Variants in WDR70 observed in about 807,000 individuals in gnomAD.
WDR70 encodes WD repeat-containing protein 70.
WDR70 carries 53 observed loss-of-function variants against 88.6 expected under a neutral mutation model. That is an observed-to-expected ratio of 0.60 (90% CI 0.48 to 0.75). The LOEUF is 0.75. Among genes scored for constraint, WDR70 ranks in the 30% least tolerant of loss-of-function variants. The probability of loss-of-function intolerance (pLI) is 0.00; values close to 1 mark genes in which losing one functional copy is unlikely to be tolerated. For missense variants in WDR70, 610 were observed against 823.2 expected (o/e 0.74, Z 3.17); for synonymous variants, 280 against 270.0 (o/e 1.04, Z -0.36).
intron 5 of WDR70, among the ~76,000 whole-genome samples, chr5:37,427,198 G>C (rs1750153649): frequency 6.6e-6 from 1 of 151,992 alleles, no homozygotes; most frequent in African/African-American, 2.4e-5. Flanking sequence ...GACCATCTTG[G>C]CTAACACGGT....
At chr5:37,723,349 AAGGG>A in intron 15 of WDR70, 1 of 186,276 alleles carries the variant, frequency 5.4e-6, no homozygotes, top group East Asian at 1.3e-4. Context: ...CGACCAGAGG[AAGGG>A]TCTCTTCCAG....
At chr5:37,609,533 A>G (rs1744128494) in intron 10 of WDR70, among the ~76,000 whole-genome samples, 1 of 152,154 alleles carries the variant, frequency 6.6e-6, no homozygotes, top group Non-Finnish European at 1.5e-5. Flanking sequence ...GATTCATCTT[A>G]TTCATGGAGT....
intron 10 of WDR70, among the ~76,000 whole-genome samples, chr5:37,609,437 TA>T (rs1319366277): frequency 2.0e-5 from 3 of 152,214 alleles, no homozygotes; most frequent in Admixed American, 2.0e-4. Context: ...ATCTACAATA[TA>T]CTAGACTCTT....
At chr5:37,542,071 T>G (rs1741835429) in intron 9 of WDR70, among the ~76,000 whole-genome samples, 1 of 152,062 alleles carries the variant, frequency 6.6e-6, no homozygotes, top group African/African-American at 2.4e-5. Context: ...AGAGAGGAGA[T>G]GGACTTACTG....
intron 9 of WDR70, among the ~76,000 whole-genome samples, chr5:37,538,194 A>G (rs537241992): frequency 2.0e-5 from 3 of 152,252 alleles, no homozygotes; most frequent in South Asian, 2.1e-4. Context: ...TAATGGTAGT[A>G]TCTTCTTCTT....
intron 6 of WDR70, 66 bp downstream of exon 6, chr5:37,438,047 T>A: frequency 7.2e-7 from 1 of 1,382,382 alleles, no homozygotes; most frequent in Non-Finnish European, 1.0e-6. Context: ...AGTGAACTGA[T>A]AAGATACATT....
chr5:37,578,948 G>A (rs967969000), intron 9 of WDR70, among the ~76,000 whole-genome samples: 1 of 152,120 alleles, frequency 6.6e-6, no homozygotes, highest in Non-Finnish European at 1.5e-5. Flanking sequence ...TAATTTTCCT[G>A]TGTAATTTTA....
At chr5:37,421,842 A>G (rs1749955316) in intron 5 of WDR70, among the ~76,000 whole-genome samples, 1 of 151,604 alleles carries the variant, frequency 6.6e-6, no homozygotes, top group African/African-American at 2.4e-5. Flanking sequence ...GGACTTTTTC[A>G]GAAATAGGAA....
chr5:37,415,816 T>A (rs1471833797), intron 5 of WDR70, among the ~76,000 whole-genome samples: 1 of 141,048 alleles, frequency 7.1e-6, no homozygotes, highest in Non-Finnish European at 1.5e-5. Flanking sequence ...GCAGAGACGC[T>A]CCTCACCTCC....
At chr5:37,415,588 C>T (rs1365941440) in intron 5 of WDR70, among the ~76,000 whole-genome samples, 184 of 140,120 alleles carry the variant, frequency 1.3e-3, no homozygotes, top group African/African-American at 3.9e-3. Context: ...CCCTCCCGGA[C>T]GGGGCGGCTG....
At chr5:37,500,538 C>T (rs1581341750) in intron 8 of WDR70, among the ~76,000 whole-genome samples, 1 of 152,040 alleles carries the variant, frequency 6.6e-6, no homozygotes, top group Non-Finnish European at 1.5e-5. Flanking sequence ...TACTAGTTTA[C>T]ATTTCCACTA....
intron 11 of WDR70, 116 bp downstream of exon 11, chr5:37,697,870 C>A: frequency 1.4e-6 from 1 of 706,238 alleles, no homozygotes; most frequent in Non-Finnish European, 2.2e-6. Context: ...TGTTAATGCA[C>A]CTTTGCCAGT....
chr5:37,381,063 G>GT (rs1427360619), intron 2 of WDR70, among the ~76,000 whole-genome samples: 1 of 152,216 alleles, frequency 6.6e-6, no homozygotes, highest in Non-Finnish European at 1.5e-5. Flanking sequence ...GGAGGAGAAT[G>GT]TTTCCATGCT....
At chr5:37,441,653 C>T (rs1459015894) in intron 6 of WDR70, among the ~76,000 whole-genome samples, 3 of 151,982 alleles carry the variant, frequency 2.0e-5, no homozygotes, top group East Asian at 3.9e-4. Flanking sequence ...CCCTTCTCTA[C>T]TAAAAAATAC....
In WDR70 at chr5:37,445,852, T is replaced by C. The variant is rs1208008531; in HGVS notation, c.686+2480T>C. Reference sequence around the variant, plus strand: ...AATATAATACTGAATGGGCAATAACTGGAAGCATTCCCTTTGAAAACTGGC... The same window carrying C: ...AATATAATACTGAATGGGCAATAACCGGAAGCATTCCCTTTGAAAACTGGC... On this transcript the variant is annotated intron_variant, in intron 7 of 17. Coordinates refer to ENST00000265107, the MANE Select transcript of WDR70 (RefSeq NM_018034.4). 2.0e-5 allele frequency among the ~76,000 whole-genome samples: 3 copies of C among 152,166 alleles called. No individual in the cohort carries two copies. The East Asian group carries it at 5.8e-4, about 29-fold the overall frequency.
At chr5:37,390,055 GA>G (rs1748763467) in intron 3 of WDR70, among the ~76,000 whole-genome samples, 1 of 150,072 alleles carries the variant, frequency 6.7e-6, no homozygotes, top group Non-Finnish European at 1.5e-5. Context: ...TTAAGTGAAG[GA>G]AAAAAATGTT....
intron 17 of WDR70, among the ~76,000 whole-genome samples, chr5:37,751,176 CAGA>C (rs1319674020): frequency 6.6e-6 from 1 of 152,134 alleles, no homozygotes; most frequent in African/African-American, 2.4e-5. Flanking sequence ...GCATCTTTGC[CAGA>C]AGATGAAATA....
chr5:37,389,055 A>T (rs1748722313), intron 3 of WDR70, among the ~76,000 whole-genome samples: 1 of 151,762 alleles, frequency 6.6e-6, no homozygotes, highest in Non-Finnish European at 1.5e-5. Context: ...TTGGCTGAAA[A>T]AACAGGGTGA....
Position 37,478,876 on chromosome 5 carries a change from C to T in WDR70, c.687-958C>T, listed in dbSNP as rs113291614. 8.6e-3 allele frequency among the ~76,000 whole-genome samples: 1,311 copies of T among 152,242 alleles called. 21 individuals are homozygous for T. The highest frequency in any genetic ancestry group is 0.03 in the African/African-American group (1,237 of 41,530). The stretch of plus-strand genomic sequence containing the variant: ...TTTGAAGGGGGAGTTCTGGGTAGCA[C>T]ACCACTGTATTCACTACAGCCACAA... On this transcript the variant is annotated intron_variant, in intron 7 of 17. Transcript: ENST00000265107.
Sources: allele counts gnomAD v4.1 joint callset (sites outside exome capture counted in the v4.1 genomes callset), GRCh38; gene constraint gnomAD v4.1.1; transcripts MANE v1.5; gene names NCBI Gene and HGNC (gene_info 2026-07-23, HGNC 2026-07-21).